FARP1: variants seen among roughly 807,000 people sequenced by gnomAD.
The protein encoded by FARP1 is FERM, ARHGEF and pleckstrin domain-containing protein 1.
FARP1 carries 52 observed loss-of-function variants against 128.8 expected under a neutral mutation model. That is an observed-to-expected ratio of 0.40 (90% CI 0.32 to 0.51). The LOEUF is 0.51. FARP1 is among the 20% of genes least tolerant of loss of function. The pLI, the probability that FARP1 is intolerant of heterozygous loss-of-function variation, is 0.45. For synonymous variants in FARP1, 580 were observed against 551.8 expected, an observed-to-expected ratio of 1.05 and a Z score of -0.72; for missense variants, 1,333 against 1,367.9, an observed-to-expected ratio of 0.97 and a Z score of 0.40.
At chr13:98,264,391 C>T (rs930214012) in intron 2 of FARP1, among the ~76,000 whole-genome samples, 3 of 152,196 alleles carry the variant, frequency 2.0e-5, no homozygotes, top group South Asian at 2.1e-4. Flanking sequence ...CACTTCGTCC[C>T]GCCAGGGACA....
At position 98,176,351 on chromosome 13, in the gene FARP1, G is replaced by C. The variant is rs574953217; in HGVS notation, c.-24+32859G>C. 8.1e-6 allele frequency: 13 copies of C among 1,614,060 alleles called. No homozygotes were observed. The African/African-American group carries it at 1.5e-4, about 18-fold the overall frequency. The stretch of plus-strand genomic sequence containing the variant: ...GCGGGGTTAAAGATGCCGCCGGTTG[G>C]CTGGTCACAGATGTAGCAGCGCGGG... On this transcript the variant is annotated intron_variant, in intron 1 of 26. Transcript: ENST00000319562. The surrounding 1 kb of genome is among the most constrained non-coding windows in gnomAD (Gnocchi z 6.2).
chr13:98,206,728 G>A (rs971842556), intron 1 of FARP1, among the ~76,000 whole-genome samples: 10 of 152,216 alleles, frequency 6.6e-5, no homozygotes, highest in South Asian at 4.2e-4. Context: ...TTTCTCTGGC[G>A]GTTAAAAATC....
rs768765160 is a variant in FARP1 at position 98,388,435 on chromosome 13, T to G, written c.812T>G (p.Phe271Cys). Residue 271 changes from phenylalanine (F) to cysteine (C), a missense_variant, in exon 9 of 27, where the codon TTC becomes TGC. Phe to Cys is a radical substitution (Grantham distance 205). Around this residue, in one of 2 missense-constraint regions of FARP1, gnomAD observed 324 missense variants for 398.1 expected, o/e 0.81. Coordinates refer to ENST00000319562, the MANE Select transcript of FARP1 (RefSeq NM_005766.4). ...FNWAKVRKLS[F>C]KRKRFLIKLR... is the part of the protein sequence containing the mutation. ...TGGGCCAAGGTGCGGAAGCTGAGCTTCAAGAGGAAGCGCTTTCTCATCAAG... is the reference window on the plus strand; with the variant it reads ...TGGGCCAAGGTGCGGAAGCTGAGCTGCAAGAGGAAGCGCTTTCTCATCAAG... 7.4e-6 allele frequency: 12 copies of G among 1,613,980 alleles called. No homozygotes were observed. Among genetic ancestry groups the G allele is most frequent in the Non-Finnish European group, 1.0e-5 (12 of 1,179,984 alleles).
chr13:98,259,882 A>AGTGTGTGTGTGTGTGTGTGTGT lies in FARP1; in HGVS notation c.171+46486_171+46507dup, dbSNP rs60886784. Reference sequence around the variant, plus strand: ...ATGGGAAATTTAAAGATACCTGAAAAGTGTGTGTGTGTGTGTGTGTGTGTG... The same window carrying AGTGTGTGTGTGTGTGTGTGTGT: ...ATGGGAAATTTAAAGATACCTGAAAAGTGTGTGTGTGTGTGTGTGTGTGTGTGTGTGTGTGTGTGTGTGTGTG... On this transcript the variant is annotated intron_variant, in intron 2 of 26. Transcript: ENST00000319562. 1.4e-3 allele frequency among the ~76,000 whole-genome samples: 179 copies of AGTGTGTGTGTGTGTGTGTGTGT among 128,862 alleles called. 3 individuals carry two copies. The highest frequency in any genetic ancestry group is 3.9e-3 in the Middle Eastern group (1 of 258). 84.5% of individuals were successfully genotyped at this position (128,862 alleles called of 152,430 possible).
Position 98,176,740 on chromosome 13 carries a change from T to C in FARP1, c.-24+33248T>C, listed in dbSNP as rs2139183697. The C allele has an allele frequency of 1.2e-6, 2 of 1,613,570 alleles. No homozygotes were observed. Among genetic ancestry groups the C allele is most frequent in the Middle Eastern group, 1.6e-4 (1 of 6,062 alleles). On this transcript the variant is annotated intron_variant, in intron 1 of 26. Coordinates refer to ENST00000319562, the MANE Select transcript of FARP1 (RefSeq NM_005766.4). The surrounding 1 kb of genome is among the most constrained non-coding windows in gnomAD (Gnocchi z 6.2). Reference sequence around the variant, plus strand: ...CTTCCTCGCCATCCCCGAGGAGGAGTTGCCCATGGACGTGTCCTTGGGCTT... The same window carrying C: ...CTTCCTCGCCATCCCCGAGGAGGAGCTGCCCATGGACGTGTCCTTGGGCTT...
chr13:98,343,631 C>T (rs540304607), intron 2 of FARP1, 131 bp from the exon 3 acceptor site: 18 of 675,678 alleles, frequency 2.7e-5, no homozygotes, highest in Admixed American at 1.3e-4. Flanking sequence ...CAGGGTGTCA[C>T]GGAGGTGGGC....
At chr13:98,319,516 C>T (rs777895005) in intron 2 of FARP1, among the ~76,000 whole-genome samples, 3 of 152,082 alleles carry the variant, frequency 2.0e-5, no homozygotes, top group South Asian at 4.2e-4. Flanking sequence ...GCTACTCTGG[C>T]GGCTGAGGCA....
intron 2 of FARP1, among the ~76,000 whole-genome samples, chr13:98,275,257 C>A (rs574097381): frequency 1.4e-3 from 220 of 151,952 alleles, no homozygotes; most frequent in Middle Eastern, 3.4e-3. Context: ...AGATTTGACA[C>A]ACTGAGCTAT....
intron 13 of FARP1, 173 bp downstream of exon 13, chr13:98,395,649 C>A: frequency 1.3e-6 from 1 of 771,838 alleles, no homozygotes; most frequent in Non-Finnish European, 2.0e-6. Flanking sequence ...CCAGCGGTGT[C>A]TATCTGCTGT....
At chr13:98,433,942 T>A (rs555055403) in intron 18 of FARP1, 1 of 152,234 alleles carries the variant, frequency 6.6e-6, no homozygotes, top group African/African-American at 2.4e-5. Flanking sequence ...CCAGGGCCCC[T>A]CCTGGCTCTG....
At chr13:98,320,527 A>G (rs561133636) in intron 2 of FARP1, among the ~76,000 whole-genome samples, 3 of 152,210 alleles carry the variant, frequency 2.0e-5, no homozygotes, top group Non-Finnish European at 2.9e-5. Context: ...AGCAGATAAC[A>G]TAACACCTCA....
At chr13:98,381,905 C>A (rs139815624) in intron 6 of FARP1, among the ~76,000 whole-genome samples, 5 of 152,186 alleles carry the variant, frequency 3.3e-5, no homozygotes, top group African/African-American at 1.2e-4. Flanking sequence ...GTAATCCCAG[C>A]GCTTTGGGAG....
intron 2 of FARP1, among the ~76,000 whole-genome samples, chr13:98,221,116 A>T (rs1383605372): frequency 6.6e-6 from 1 of 152,172 alleles, no homozygotes; most frequent in Non-Finnish European, 1.5e-5. Context: ...TCATCTCTAC[A>T]CATGGAGAAT....
At chr13:98,179,299 G>A (rs1357270258) in intron 1 of FARP1, among the ~76,000 whole-genome samples, 1 of 152,186 alleles carries the variant, frequency 6.6e-6, no homozygotes, top group Non-Finnish European at 1.5e-5. Flanking sequence ...CACAAGAACA[G>A]TATGGGGGAA....
intron 16 of FARP1, among the ~76,000 whole-genome samples, chr13:98,414,850 T>G (rs2140127736): frequency 6.6e-6 from 1 of 152,320 alleles, no homozygotes; most frequent in South Asian, 2.1e-4. Flanking sequence ...AATGACTGGA[T>G]GAGAAGAGAC....
chr13:98,375,382 A>AT (rs1213317799), intron 5 of FARP1, among the ~76,000 whole-genome samples: 1 of 152,094 alleles, frequency 6.6e-6, no homozygotes, highest in Non-Finnish European at 1.5e-5. Flanking sequence ...GGCACTTACA[A>AT]TTTTTTTGCC....
intron 16 of FARP1, among the ~76,000 whole-genome samples, chr13:98,421,942 G>A (rs1441511456): frequency 2.0e-5 from 3 of 152,204 alleles, no homozygotes; most frequent in African/African-American, 7.2e-5. Flanking sequence ...TTTTGTGTTT[G>A]AGATAGGAGA....
intron 17 of FARP1, among the ~76,000 whole-genome samples, chr13:98,429,251 G>A (rs3783010): frequency 0.24 from 36,382 of 152,124 alleles, 4,795 homozygotes; most frequent in East Asian, 0.45. Flanking sequence ...CGAGGGATGG[G>A]GGGTCCTCAG....
chr13:98,380,990 C>G (rs1351657162), intron 6 of FARP1, among the ~76,000 whole-genome samples: 1 of 152,154 alleles, frequency 6.6e-6, no homozygotes, highest in Admixed American at 6.5e-5. Context: ...TCGCTGACAT[C>G]CAGAAAACCA....
Sources: allele counts gnomAD v4.1 joint callset (sites outside exome capture counted in the v4.1 genomes callset), GRCh38; gene constraint gnomAD v4.1.1; regional missense constraint gnomAD v4.1.1; non-coding constraint Gnocchi (gnomAD v3.1); transcripts MANE v1.5; gene names NCBI Gene and HGNC (gene_info 2026-07-23, HGNC 2026-07-21).